POC1B: variants seen among roughly 807,000 people sequenced by gnomAD.
The protein encoded by POC1B is POC1 centriolar protein homolog B.
Under a neutral mutation model 60.6 loss-of-function variants are expected in POC1B, and 44 were observed. The ratio of observed to expected loss-of-function variants is 0.73; its 90% CI spans 0.57 to 0.93. The LOEUF (loss-of-function observed/expected upper bound fraction) is 0.93, where lower values mean the gene tolerates loss of function less well. POC1B is among the 40% of genes least tolerant of loss of function. POC1B has a pLI of 0.00. For synonymous variants in POC1B, 180 were observed against 198.9 expected (o/e 0.90, Z 0.80); for missense variants, 555 against 572.3 (o/e 0.97, Z 0.31).
At chr12:89,427,918 C>T (rs1293059900) in intron 10 of POC1B, 1 of 152,208 alleles carries the variant, frequency 6.6e-6, no homozygotes, top group Non-Finnish European at 1.5e-5. Flanking sequence ...TATGGACCAA[C>T]CACCTATTCA....
At chr12:89,413,780 C>T in the POC1B span, among the ~76,000 whole-genome samples, 1 of 152,134 alleles carries the variant, frequency 6.6e-6, no homozygotes, top group Non-Finnish European at 1.5e-5. Context: ...TATGTTAAGT[C>T]TGCCTTATTA....
chr12:89,439,934 A>C (rs1881439402), intron 10 of POC1B, among the ~76,000 whole-genome samples: 1 of 152,128 alleles, frequency 6.6e-6, no homozygotes, highest in African/African-American at 2.4e-5. Context: ...ATCTCAGCTC[A>C]AATACCTTTT....
chr12:89,416,874 G>A (rs1396350952), downstream of POC1B, among the ~76,000 whole-genome samples: 1 of 152,200 alleles, frequency 6.6e-6, no homozygotes, highest in East Asian at 1.9e-4. Context: ...TCTGTCTCTG[G>A]AAGCAATGAG....
intron 10 of POC1B, among the ~76,000 whole-genome samples, chr12:89,450,270 C>T (rs763604568): frequency 2.0e-5 from 3 of 151,500 alleles, no homozygotes; most frequent in Non-Finnish European, 2.9e-5. Flanking sequence ...TGCAGTGGCA[C>T]GATCTTGGCT....
intron 10 of POC1B, among the ~76,000 whole-genome samples, chr12:89,459,148 C>G (rs994315761): frequency 1.3e-5 from 2 of 151,890 alleles, no homozygotes; most frequent in African/African-American, 4.8e-5. Flanking sequence ...TGAAATGTTA[C>G]CTGGGTGGCA....
chr12:89,501,005 T>C (rs1869537868), intron 2 of POC1B: 4 of 973,540 alleles, frequency 4.1e-6, no homozygotes, highest in Non-Finnish European at 6.5e-6. Flanking sequence ...TGATAGAGGA[T>C]GAATTTATAA....
At chr12:89,408,422 G>T in the POC1B span, among the ~76,000 whole-genome samples, 1 of 151,690 alleles carries the variant, frequency 6.6e-6, no homozygotes, top group African/African-American at 2.4e-5. Context: ...CACTCCCACC[G>T]ACAGTGTAAA....
At chr12:89,484,423 A>G (rs1045395829) in intron 4 of POC1B, among the ~76,000 whole-genome samples, 5 of 152,270 alleles carry the variant, frequency 3.3e-5, no homozygotes, top group African/African-American at 9.6e-5. Flanking sequence ...GTAGCTATCT[A>G]TATTAGCAAC....
rs982314426 is a variant in POC1B, at chr12:89,420,123, C to A, written c.*1030G>T. On this transcript the variant is annotated 3_prime_UTR_variant, in exon 12 of 12. Coordinates refer to ENST00000313546, the MANE Select transcript of POC1B (RefSeq NM_172240.3). Reference sequence around the variant, plus strand: ...AATCAAGCTGAAATTAATTTGCTTGCTTTTCTTCAATTTAATCTCAATTTG... The same window carrying A: ...AATCAAGCTGAAATTAATTTGCTTGATTTTCTTCAATTTAATCTCAATTTG... 1 of 152,102 alleles carries A rather than the reference C, an allele frequency of 6.6e-6. No individual in the cohort carries two copies. Among genetic ancestry groups the A allele is most frequent in the Non-Finnish European group, 1.5e-5 (1 of 68,002 alleles). The allele number at this position is 152,102 out of a possible 1,614,324, so 9.4% of individuals were successfully genotyped here.
chr12:89,523,912 A>G (rs1871165629), intron 2 of POC1B: 3 of 1,598,612 alleles, frequency 1.9e-6, no homozygotes, highest in African/African-American at 2.7e-5. Flanking sequence ...AGTGGCCCCA[A>G]TCAGACGGGC....
rs932641459 is a variant in POC1B at position 89,523,281 on chromosome 12, G to A, written c.100+1839C>T. 3.7e-6 allele frequency: 6 copies of A among 1,614,046 alleles called. No individual in the cohort carries two copies. The Admixed American group carries it at 5.0e-5, about 13-fold the overall frequency. On this transcript the variant is annotated intron_variant, in intron 2 of 11. Transcript: ENST00000313546. ...AAACGTTTTTCAAATACCAGTCAAA[G>A]CTCTTGCATCTCAACCGCTCTCGTA...
intron 2 of POC1B, chr12:89,522,657 G>T: frequency 1.1e-6 from 1 of 872,752 alleles, no homozygotes; most frequent in Non-Finnish European, 1.6e-6. Flanking sequence ...CCCAGTTTCA[G>T]TGTGATATAC....
chr12:89,407,976 G>A, the POC1B span, among the ~76,000 whole-genome samples: 1 of 152,146 alleles, frequency 6.6e-6, no homozygotes, highest in East Asian at 1.9e-4. Context: ...TCCCTGACAG[G>A]CCCCAGTGTA....
intron 10 of POC1B, among the ~76,000 whole-genome samples, chr12:89,441,237 G>A (rs974300386): frequency 3.3e-5 from 5 of 152,220 alleles, no homozygotes; most frequent in African/African-American, 4.8e-5. Flanking sequence ...AGACTTAAAC[G>A]TCCCTGTCTG....
At chr12:89,419,662 A>G (rs886341570), downstream of POC1B, 1 of 152,212 alleles carries the variant, frequency 6.6e-6, no homozygotes, top group African/African-American at 2.4e-5. Context: ...AGTGAGCTGG[A>G]TGATAAGATG....
intron 2 of POC1B, among the ~76,000 whole-genome samples, chr12:89,518,563 C>A (rs1870589648): frequency 9.0e-6 from 1 of 110,830 alleles, no homozygotes; most frequent in African/African-American, 3.8e-5. Context: ...TAAAGTACAC[C>A]AGTGTTTTGC....
intron 10 of POC1B, among the ~76,000 whole-genome samples, chr12:89,458,947 T>G (rs910866431): frequency 1.3e-5 from 2 of 152,190 alleles, no homozygotes; most frequent in Non-Finnish European, 2.9e-5. Context: ...TAAATAAATT[T>G]TATATATGTA....
At chr12:89,404,755 C>T in the POC1B span, among the ~76,000 whole-genome samples, 1 of 152,112 alleles carries the variant, frequency 6.6e-6, no homozygotes, top group Non-Finnish European at 1.5e-5. Context: ...TCTAAAAATT[C>T]CTGAATTACC....
At chr12:89,469,685 A>G (rs1292162050) in intron 7 of POC1B, among the ~76,000 whole-genome samples, 1 of 152,170 alleles carries the variant, frequency 6.6e-6, no homozygotes, top group African/African-American at 2.4e-5. Context: ...GCTGGGTGTC[A>G]GGGCTAAGCG....
Sources: allele counts gnomAD v4.1 joint callset (sites outside exome capture counted in the v4.1 genomes callset), GRCh38; gene constraint gnomAD v4.1.1; transcripts MANE v1.5; gene names NCBI Gene and HGNC (gene_info 2026-07-23, HGNC 2026-07-21).